The following SNAP25 variants were observed in gnomAD, a reference collection of about 807,000 sequenced individuals.
SNAP25 encodes synaptosome associated protein 25, also known as synaptosomal-associated protein 25.
SNAP25 carries 3 observed loss-of-function variants against 28.7 expected under a neutral mutation model. The observed-to-expected ratio is 0.10, with a 90% CI of 0.05 to 0.27. The LOEUF (loss-of-function observed/expected upper bound fraction) is 0.27. SNAP25 is among the 10% of genes least tolerant of loss of function. The pLI is 1.00. For missense variants in SNAP25, 117 were observed against 278.7 expected, an observed-to-expected ratio of 0.42 and a Z score of 4.13; for synonymous variants, 61 against 88.1, an observed-to-expected ratio of 0.69 and a Z score of 1.72.
At position 10,306,283 on chromosome 20, in the gene SNAP25, C is replaced by A; in HGVS notation, c.*86C>A. ...CTCATGGTATTATCTAGTAGGTCTG[C>A]ACACATAACACACATCAGTCCACCC... On this transcript the variant is annotated 3_prime_UTR_variant, in exon 8 of 8. Transcript: ENST00000254976. 1.8e-6 allele frequency: 2 copies of A among 1,125,000 alleles called. No individual in the cohort carries two copies. The highest frequency in any genetic ancestry group is 2.7e-6 in the Non-Finnish European group (2 of 748,238). 69.7% of individuals were successfully genotyped at this position (1,125,000 alleles called of 1,614,324 possible).
chr20:10,302,110 C>A (rs2064253965), intron 7 of SNAP25, among the ~76,000 whole-genome samples: 1 of 152,010 alleles, frequency 6.6e-6, no homozygotes, highest in Non-Finnish European at 1.5e-5. Context: ...CATGCAGTCC[C>A]AGCTACTCCA....
intron 4 of SNAP25, among the ~76,000 whole-genome samples, chr20:10,285,389 A>T (rs941378736): frequency 6.6e-6 from 1 of 152,236 alleles, no homozygotes; most frequent in Non-Finnish European, 1.5e-5. Flanking sequence ...GCATCTCTAT[A>T]CCTAACATGG....
chr20:10,241,046 G>C (rs1043600987), intron 1 of SNAP25, among the ~76,000 whole-genome samples: 1 of 152,214 alleles, frequency 6.6e-6, no homozygotes, highest in Admixed American at 6.5e-5. Flanking sequence ...CATGGAGCTG[G>C]GCAAGAGTCT....
chr20:10,253,686 T>A (rs1236813154), intron 1 of SNAP25, among the ~76,000 whole-genome samples: 1 of 152,168 alleles, frequency 6.6e-6, no homozygotes, highest in African/African-American at 2.4e-5. Context: ...CTTGAAAATG[T>A]AATTTTTATA....
chr20:10,257,021 G>A (rs551396425), intron 1 of SNAP25, among the ~76,000 whole-genome samples: 30 of 152,202 alleles, frequency 2.0e-4, no homozygotes, highest in African/African-American at 7.2e-4. Context: ...TAGTGCATTG[G>A]TTCCCAATCT....
chr20:10,262,320 T>G (rs1239605332), intron 1 of SNAP25, among the ~76,000 whole-genome samples: 2 of 152,158 alleles, frequency 1.3e-5, no homozygotes, highest in Non-Finnish European at 2.9e-5. Flanking sequence ...AGCCCTAGAT[T>G]GGGACTTAAA....
intron 1 of SNAP25, among the ~76,000 whole-genome samples, chr20:10,220,035 T>C (rs1376149627): frequency 6.6e-6 from 1 of 152,144 alleles, no homozygotes; most frequent in Non-Finnish European, 1.5e-5. Flanking sequence ...AAGGTTTTTG[T>C]TTGGTTTTGT....
chr20:10,300,889 C>A (rs895828847), intron 7 of SNAP25, among the ~76,000 whole-genome samples: 1 of 152,036 alleles, frequency 6.6e-6, no homozygotes, highest in African/African-American at 2.4e-5. Flanking sequence ...TTTCAAAACT[C>A]ACTAGAGCCA....
intron 2 of SNAP25, among the ~76,000 whole-genome samples, chr20:10,277,288 T>C (rs951660686): frequency 4.6e-5 from 7 of 152,212 alleles, no homozygotes; most frequent in Admixed American, 2.0e-4. Context: ...TCATCTCGAT[T>C]CATGAAAAAT....
At position 10,299,273 on chromosome 20, in the gene SNAP25, C is replaced by A. The variant is rs901090522; in HGVS notation, c.413C>A (p.Thr138Lys). ...ACTTGCTCTTTGGATCCCAGGGTAA[C>A]AAATGATGCCCGAGAAAATGAAATG... ...AISGGFIRRV[T>K]NDARENEMDE... is the part of the protein sequence containing the mutation. Residue 138 changes from threonine to lysine, a missense_variant, in exon 7 of 8, where the codon ACA becomes AAA. Physicochemically the swap from Thr to Lys is moderately conservative, Grantham distance 78. Transcript: ENST00000254976. 5 of 1,613,638 alleles carry A rather than the reference C, an allele frequency of 3.1e-6. No homozygotes were observed. Among genetic ancestry groups the A allele is most frequent in the Non-Finnish European group, 3.4e-6 (4 of 1,179,886 alleles).
At chr20:10,252,330 T>C (rs2063244675) in intron 1 of SNAP25, among the ~76,000 whole-genome samples, 2 of 152,216 alleles carry the variant, frequency 1.3e-5, no homozygotes, top group South Asian at 2.1e-4. Context: ...AAAAAATTTG[T>C]TTAATTGGGT....
chr20:10,252,193 A>T (rs1190558780), intron 1 of SNAP25, among the ~76,000 whole-genome samples: 1 of 152,358 alleles, frequency 6.6e-6, no homozygotes, highest in East Asian at 1.9e-4. Context: ...TATCACATGA[A>T]TGTATAGTGA....
At chr20:10,288,015 G>C (rs867739998) in intron 4 of SNAP25, among the ~76,000 whole-genome samples, 109 of 151,948 alleles carry the variant, frequency 7.2e-4, no homozygotes, top group African/African-American at 2.5e-3. Context: ...CTTGTGGGGT[G>C]GGGGGAGAGG....
At chr20:10,264,506 A>G (rs1338010048) in intron 1 of SNAP25, among the ~76,000 whole-genome samples, 1 of 152,208 alleles carries the variant, frequency 6.6e-6, no homozygotes, top group Non-Finnish European at 1.5e-5. Flanking sequence ...AAATTCTCCT[A>G]TAAGAAGCAT....
chr20:10,233,208 G>T (rs1451481483), intron 1 of SNAP25, among the ~76,000 whole-genome samples: 2 of 152,146 alleles, frequency 1.3e-5, no homozygotes, highest in Non-Finnish European at 2.9e-5. Context: ...ATGAGCTGGG[G>T]CACCTATGGC....
At chr20:10,298,372 T>C (rs1489483767) in intron 6 of SNAP25, among the ~76,000 whole-genome samples, 2 of 152,218 alleles carry the variant, frequency 1.3e-5, no homozygotes, top group South Asian at 2.1e-4. Context: ...GAAACCATAA[T>C]GAGCCAGTCT....
At chr20:10,227,495 G>A (rs1476111673) in intron 1 of SNAP25, among the ~76,000 whole-genome samples, 2 of 152,098 alleles carry the variant, frequency 1.3e-5, no homozygotes, top group East Asian at 3.9e-4. Context: ...CTCAGGAATT[G>A]TTGTGTACCC....
At chr20:10,268,284 AGAG>A (rs2063537375) in intron 1 of SNAP25, among the ~76,000 whole-genome samples, 1 of 152,182 alleles carries the variant, frequency 6.6e-6, no homozygotes, top group African/African-American at 2.4e-5. Flanking sequence ...GTCTGCAGGA[AGAG>A]AAGGATCCAT....
chr20:10,220,329 C>T (rs1600619636), intron 1 of SNAP25, among the ~76,000 whole-genome samples: 1 of 152,196 alleles, frequency 6.6e-6, no homozygotes, highest in African/African-American at 2.4e-5. Flanking sequence ...TAGATTTAAC[C>T]TCTTTGGCCA....
Sources: gnomAD v4.1 joint callset for allele counts (sites outside exome capture counted in the v4.1 genomes callset) on GRCh38, gnomAD v4.1.1 for gene constraint, MANE v1.5 for transcripts, NCBI Gene and HGNC (gene_info 2026-07-23, HGNC 2026-07-21) for gene names.